The following PPP1R1C variants were observed in gnomAD, a reference collection of about 807,000 sequenced individuals.
PPP1R1C encodes protein phosphatase 1 regulatory subunit 1C.
A neutral mutation model predicts 17.4 loss-of-function variants in PPP1R1C; 15 were observed. The observed-to-expected ratio is 0.86, with a 90% CI of 0.58 to 1.33. The LOEUF (loss-of-function observed/expected upper bound fraction) is 1.33. Ranked by LOEUF, PPP1R1C falls within the 40% of genes most tolerant of loss-of-function variation. The pLI is 0.00. For synonymous variants in PPP1R1C, 35 were observed against 43.1 expected (o/e 0.81, Z 0.73); for missense variants, 143 against 130.0 (o/e 1.10, Z -0.48).
intron 5 of PPP1R1C, among the ~76,000 whole-genome samples, chr2:182,125,653 A>G (rs1689856182): frequency 6.6e-6 from 1 of 151,972 alleles, no homozygotes; most frequent in Admixed American, 6.6e-5. Context: ...GAATTTATCC[A>G]TTTCTTCTAG....
chr2:182,095,552 T>G (rs1688908769), intron 4 of PPP1R1C, among the ~76,000 whole-genome samples: 1 of 152,226 alleles, frequency 6.6e-6, no homozygotes, highest in Non-Finnish European at 1.5e-5. Flanking sequence ...TTAGTGTGGC[T>G]CCTTTATCAC....
intron 4 of PPP1R1C, among the ~76,000 whole-genome samples, chr2:182,100,824 CA>C (rs1255330840): frequency 6.6e-6 from 1 of 152,140 alleles, no homozygotes; most frequent in Non-Finnish European, 1.5e-5. Context: ...ATTTACAATT[CA>C]AAAACTCCGT....
intron 2 of PPP1R1C, among the ~76,000 whole-genome samples, chr2:182,047,157 A>G (rs1454073999): frequency 6.6e-6 from 1 of 152,062 alleles, no homozygotes; most frequent in Non-Finnish European, 1.5e-5. Context: ...TATTTCCCCT[A>G]CTTCTACTTG....
chr2:182,044,044 G>A (rs776338669), intron 2 of PPP1R1C, among the ~76,000 whole-genome samples: 1 of 152,078 alleles, frequency 6.6e-6, no homozygotes, highest in East Asian at 1.9e-4. Context: ...CCTCACCTAT[G>A]TCGAGTCATT....
chr2:182,068,695 A>G (rs1344632263), intron 4 of PPP1R1C, among the ~76,000 whole-genome samples: 1 of 152,198 alleles, frequency 6.6e-6, no homozygotes, highest in Non-Finnish European at 1.5e-5. Context: ...AGAGATACTG[A>G]TATTTCAATT....
chr2:182,062,499 T>C (rs1366650408), intron 3 of PPP1R1C, among the ~76,000 whole-genome samples: 1 of 152,110 alleles, frequency 6.6e-6, no homozygotes, highest in African/African-American at 2.4e-5. Context: ...ATGTCAATCA[T>C]CCACATATTT....
chr2:182,012,378 T>C (rs1435121057), intron 2 of PPP1R1C, among the ~76,000 whole-genome samples: 6 of 152,092 alleles, frequency 3.9e-5, no homozygotes, highest in Non-Finnish European at 8.8e-5. Context: ...TCTCTTCTTA[T>C]AGTTTTTCTC....
At chr2:182,025,436 C>A (rs1686573902) in intron 2 of PPP1R1C, among the ~76,000 whole-genome samples, 1 of 138,888 alleles carries the variant, frequency 7.2e-6, no homozygotes, top group African/African-American at 2.7e-5. Context: ...TCAATTGCCA[C>A]CTATGAGTGA....
intron 4 of PPP1R1C, among the ~76,000 whole-genome samples, chr2:182,112,289 A>T (rs1244036369): frequency 2.0e-5 from 3 of 152,062 alleles, no homozygotes; most frequent in Non-Finnish European, 4.4e-5. Context: ...TTGGGAACTG[A>T]TCTAAATGCT....
Position 182,117,298 on chromosome 2 carries a change from A to G in PPP1R1C, c.*3A>G, listed in dbSNP as rs375135010. On this transcript the variant is annotated 3_prime_UTR_variant, in exon 5 of 5. Coordinates refer to ENST00000682840, the MANE Select transcript of PPP1R1C (RefSeq NM_001080545.3). Reference sequence around the variant, plus strand: ...GAGAGGAGCAGCGGGACCATTAATTACTGGTCTGCAGCAAGAAGGCTTCTT... The same window carrying G: ...GAGAGGAGCAGCGGGACCATTAATTGCTGGTCTGCAGCAAGAAGGCTTCTT... 53 of 1,545,896 alleles carry G rather than the reference A, an allele frequency of 3.4e-5. No homozygotes were observed. The African/African-American group carries it at 6.1e-4, about 18-fold the overall frequency.
intron 2 of PPP1R1C, among the ~76,000 whole-genome samples, chr2:182,025,586 A>T (rs1686580613): frequency 1.0e-5 from 1 of 99,042 alleles, no homozygotes; most frequent in African/African-American, 4.5e-5. Flanking sequence ...TATGTGCCAC[A>T]TTTTCTTAAT....
chr2:181,956,294 A>G (rs918185936), intron 1 of PPP1R1C, among the ~76,000 whole-genome samples: 2 of 152,182 alleles, frequency 1.3e-5, no homozygotes, highest in African/African-American at 4.8e-5. Flanking sequence ...TATCCAGTCT[A>G]TCATTGATGG....
chr2:182,128,422 GC>G (rs1186588294), intron 5 of PPP1R1C, among the ~76,000 whole-genome samples: 10 of 152,148 alleles, frequency 6.6e-5, no homozygotes, highest in African/African-American at 9.6e-5. Flanking sequence ...TCTTGTCAGG[GC>G]CCCTCTGACT....
In PPP1R1C at chr2:182,024,448, A is replaced by T. The variant is rs188064923; in HGVS notation, c.142+36549A>T. The stretch of plus-strand genomic sequence containing the variant: ...ACTACACTTGAAATATTGTTAAAAT[A>T]ATATTCTCTATTTTTTCACAATGTA... On this transcript the variant is annotated intron_variant, in intron 2 of 4. Transcript: ENST00000682840. 6.3e-4 allele frequency among the ~76,000 whole-genome samples: 96 copies of T among 152,318 alleles called. 2 individuals carry two copies. The highest frequency in any genetic ancestry group is 2.2e-3 in the African/African-American group (93 of 41,568).
At chr2:182,121,142 A>T (rs1400083460), downstream of PPP1R1C, among the ~76,000 whole-genome samples, 1 of 152,270 alleles carries the variant, frequency 6.6e-6, no homozygotes, top group East Asian at 1.9e-4. Flanking sequence ...GCAAAACAGA[A>T]ACTATATTTC....
At chr2:182,079,599 G>A (rs775095026) in intron 4 of PPP1R1C, among the ~76,000 whole-genome samples, 2 of 152,152 alleles carry the variant, frequency 1.3e-5, no homozygotes, top group Non-Finnish European at 2.9e-5. Context: ...TAAAATGGAG[G>A]TAATAAAAGT....
rs189896167 is a variant in PPP1R1C at position 181,975,714 on chromosome 2, C to T, written n.157+450C>T. Among the ~76,000 whole-genome samples, 654 of 151,708 alleles carry T rather than the reference C, an allele frequency of 4.3e-3. 4 individuals are homozygous for T. Among genetic ancestry groups the T allele is most frequent in the African/African-American group, 0.015 (619 of 41,434 alleles). On this transcript the variant is annotated intron_variant and non_coding_transcript_variant, in intron 2 of 5. Coordinates refer to the PPP1R1C transcript ENST00000464264. ...CATGTGCACAATTATTATTGTAGTTCGTTTCCATTGTATTACATATGTCAA... is the reference window on the plus strand; with the variant it reads ...CATGTGCACAATTATTATTGTAGTTTGTTTCCATTGTATTACATATGTCAA...
intron 2 of PPP1R1C, among the ~76,000 whole-genome samples, chr2:182,026,485 GT>G (rs1314005930): frequency 7.3e-6 from 1 of 136,806 alleles, no homozygotes. Flanking sequence ...CCCATTGCTT[GT>G]TTTTGTCAGG....
chr2:182,000,326 G>T (rs13017302), intron 2 of PPP1R1C, among the ~76,000 whole-genome samples: 19,700 of 152,014 alleles, frequency 0.13, 1,709 homozygotes, highest in East Asian at 0.32. Flanking sequence ...GTGGGGAAAG[G>T]TGATTGTTGG....
Sources: allele counts gnomAD v4.1 joint callset (sites outside exome capture counted in the v4.1 genomes callset), GRCh38; gene constraint gnomAD v4.1.1; transcripts MANE v1.5; gene names NCBI Gene and HGNC (gene_info 2026-07-23, HGNC 2026-07-21).